Variants in DEFB119 observed in about 807,000 individuals in gnomAD.
DEFB119 encodes beta-defensin 119.
In DEFB119, 3 loss-of-function variants were observed where a neutral mutation model predicts 2.5. The observed-to-expected ratio is 1.19, with a 90% confidence interval of 0.54 to 3.07. The LOEUF (loss-of-function observed/expected upper bound fraction) is 3.07. Among genes scored for constraint, DEFB119 ranks in the 30% most tolerant of loss-of-function variants. The pLI, the probability that DEFB119 is intolerant of heterozygous loss-of-function variation, is 0.03. For missense variants in DEFB119, 113 were observed against 101.1 expected (o/e 1.12, Z -0.50); for synonymous variants, 29 against 33.7 (o/e 0.86, Z 0.48).
chr20:31,390,136 T>C (rs1029433606), intron 1 of DEFB119, among the ~76,000 whole-genome samples: 1 of 151,774 alleles, frequency 6.6e-6, no homozygotes, highest in Non-Finnish European at 1.5e-5. Context: ...CCCGAAGTCC[T>C]CAACAAGTCC....
intron 1 of DEFB119, among the ~76,000 whole-genome samples, chr20:31,380,782 T>C (rs1165068895): frequency 6.6e-6 from 1 of 151,876 alleles, no homozygotes; most frequent in Non-Finnish European, 1.5e-5. Flanking sequence ...CATTGATTGA[T>C]GTACCTGTTT....
intron 1 of DEFB119, among the ~76,000 whole-genome samples, chr20:31,383,287 T>C (rs1986566142): frequency 6.6e-6 from 1 of 152,172 alleles, no homozygotes; most frequent in African/African-American, 2.4e-5. Context: ...CTCATGCCTG[T>C]AATCCTAGCA....
intron 1 of DEFB119, among the ~76,000 whole-genome samples, chr20:31,384,505 G>C: frequency 6.6e-6 from 1 of 152,114 alleles, no homozygotes; most frequent in South Asian, 2.1e-4. Context: ...TAAGAAGAAA[G>C]AAAAGAGTTC....
intron 1 of DEFB119, among the ~76,000 whole-genome samples, 180 bp downstream of exon 1, chr20:31,390,243 A>G (rs1040170385): frequency 7.9e-5 from 12 of 151,946 alleles, no homozygotes; most frequent in African/African-American, 2.9e-4. Context: ...AACATCTATC[A>G]TCCCACCACT....
intron 1 of DEFB119, among the ~76,000 whole-genome samples, chr20:31,378,184 G>A (rs1477082730): frequency 1.3e-5 from 2 of 152,186 alleles, no homozygotes; most frequent in Non-Finnish European, 2.9e-5. Context: ...CCCTGATGGG[G>A]TGGTGACAGA....
At chr20:31,386,388 G>C (rs1033784871) in intron 1 of DEFB119, among the ~76,000 whole-genome samples, 7 of 152,156 alleles carry the variant, frequency 4.6e-5, no homozygotes. Context: ...TCCTGCCTCT[G>C]AAGTGGGCTG....
At chr20:31,385,869 C>CA (rs57252125) in intron 1 of DEFB119, among the ~76,000 whole-genome samples, 4,890 of 139,346 alleles carry the variant, frequency 0.035, 256 homozygotes, top group African/African-American at 0.12. Flanking sequence ...GACCGTGTCT[C>CA]AAAAAAAAAA....
chr20:31,385,637 C>T (rs1986668803), intron 1 of DEFB119, among the ~76,000 whole-genome samples: 1 of 152,072 alleles, frequency 6.6e-6, no homozygotes, highest in Admixed American at 6.6e-5. Flanking sequence ...GATGCTGAGG[C>T]AGGTGGATCA....
intron 1 of DEFB119, among the ~76,000 whole-genome samples, chr20:31,387,594 C>G (rs1311830821): frequency 6.6e-6 from 1 of 152,200 alleles, no homozygotes; most frequent in East Asian, 1.9e-4. Flanking sequence ...CACAGCTCAC[C>G]TCTCTTCTCA....
chr20:31,388,935 G>C, intron 1 of DEFB119: 1 of 1,539,624 alleles, frequency 6.5e-7, no homozygotes, highest in Non-Finnish European at 8.8e-7. Flanking sequence ...TCCATTTGAA[G>C]TATCATTCCT....
At chr20:31,389,163 G>A in intron 1 of DEFB119, 1 of 1,614,162 alleles carries the variant, frequency 6.2e-7, no homozygotes, top group East Asian at 2.2e-5. Flanking sequence ...TACGATTTCG[G>A]CAGCGTATGA....
At chr20:31,388,405 GA>G in intron 1 of DEFB119, 3 of 810,748 alleles carry the variant, frequency 3.7e-6, no homozygotes, top group Non-Finnish European at 4.5e-6. Context: ...GGAGGAAGAT[GA>G]AGTTCTGAGA....
intron 1 of DEFB119, among the ~76,000 whole-genome samples, chr20:31,381,359 A>C (rs1248242889): frequency 6.6e-6 from 1 of 152,242 alleles, no homozygotes; most frequent in Non-Finnish European, 1.5e-5. Context: ...GATTTTCTAC[A>C]TAAACCATTA....
chr20:31,383,661 C>T (rs1309321359), intron 1 of DEFB119, among the ~76,000 whole-genome samples: 1 of 151,790 alleles, frequency 6.6e-6, no homozygotes. Flanking sequence ...CGGTGAAACC[C>T]CTGAAACCCC....
intron 1 of DEFB119, chr20:31,388,860 G>A: frequency 7.9e-7 from 1 of 1,261,772 alleles, no homozygotes; most frequent in Non-Finnish European, 1.1e-6. Flanking sequence ...CCATCGCTAT[G>A]ACCCAGCCCT....
At chr20:31,381,687 T>G (rs1169731752) in intron 1 of DEFB119, among the ~76,000 whole-genome samples, 1 of 152,178 alleles carries the variant, frequency 6.6e-6, no homozygotes, top group Admixed American at 6.5e-5. Flanking sequence ...GGCACGCATT[T>G]GTAGTCCCAG....
chr20:31,379,921 TC>T (rs1053932996), intron 1 of DEFB119, among the ~76,000 whole-genome samples: 1 of 152,174 alleles, frequency 6.6e-6, no homozygotes, highest in Non-Finnish European at 1.5e-5. Flanking sequence ...CACCTCAGCC[TC>T]CCAAAGTGGT....
At chr20:31,378,331 T>C in intron 1 of DEFB119, 5 of 1,614,070 alleles carry the variant, frequency 3.1e-6, no homozygotes, top group Non-Finnish European at 4.2e-6. Context: ...CCAGAGGAAA[T>C]ACACCTGGAC....
intron 1 of DEFB119, chr20:31,389,151 T>C (rs770078135): frequency 4.8e-5 from 77 of 1,614,070 alleles, no homozygotes; most frequent in Non-Finnish European, 5.4e-5. Flanking sequence ...CACAGCACCG[T>C]TTACGATTTC....
Sources: allele counts gnomAD v4.1 joint callset (sites outside exome capture counted in the v4.1 genomes callset), GRCh38; gene constraint gnomAD v4.1.1; transcripts MANE v1.5; gene names NCBI Gene and HGNC (gene_info 2026-07-23, HGNC 2026-07-21).